Variants in RYR3 observed in about 807,000 individuals in gnomAD.
RYR3 encodes ryanodine receptor 3, also known as brain ryanodine receptor-calcium release channel.
A neutral mutation model predicts 584.3 loss-of-function variants in RYR3; 207 were observed. The observed-to-expected ratio is 0.35, with a 90% confidence interval of 0.32 to 0.40. The LOEUF is 0.40. RYR3 is among the 10% of genes least tolerant of loss of function. The probability of loss-of-function intolerance (pLI) is 1.00; values close to 1 mark genes in which losing one functional copy is unlikely to be tolerated. For missense variants in RYR3, 5,616 were observed against 6,089.2 expected (o/e 0.92, Z 2.59); for synonymous variants, 2,416 against 2,248.5 (o/e 1.07, Z -2.11).
At chr15:33,542,597 C>G in intron 7 of RYR3, among the ~76,000 whole-genome samples, 1 of 152,074 alleles carries the variant, frequency 6.6e-6, no homozygotes, top group East Asian at 1.9e-4. Context: ...GAACTCATAA[C>G]AGACTGTCAC....
chr15:33,798,612 C>T (rs2075755883), intron 67 of RYR3, among the ~76,000 whole-genome samples: 1 of 152,156 alleles, frequency 6.6e-6, no homozygotes, highest in African/African-American at 2.4e-5. Context: ...TCTTATTGAT[C>T]AGAACTTAGT....
intron 1 of RYR3, among the ~76,000 whole-genome samples, chr15:33,343,524 C>T (rs143004203): frequency 6.6e-6 from 1 of 152,158 alleles, no homozygotes; most frequent in African/African-American, 2.4e-5. Flanking sequence ...CAGATGCTCT[C>T]ACTTTACTGT....
At position 33,318,321 on chromosome 15, in the gene RYR3, A is replaced by G. The variant is rs114150429; in HGVS notation, c.51+7225A>G. On this transcript the variant is annotated intron_variant, in intron 1 of 103. Coordinates refer to ENST00000634891, the MANE Select transcript of RYR3 (RefSeq NM_001036.6). ...CTGGGTTGGTGTCAGTGTCACTGTG[A>G]CCCTTGCAGATACCCAGAAGGATGT... Among the ~76,000 whole-genome samples, 1,083 of 152,316 alleles carry G rather than the reference A, an allele frequency of 7.1e-3. 12 individuals carry two copies. The highest frequency in any genetic ancestry group is 0.025 in the African/African-American group (1,051 of 41,576).
chr15:33,750,937 G>A (rs2071234251), intron 57 of RYR3, among the ~76,000 whole-genome samples: 1 of 152,022 alleles, frequency 6.6e-6, no homozygotes, highest in Admixed American at 6.5e-5. Flanking sequence ...TGTTCTCATT[G>A]TTCAACTCCC....
chr15:33,345,103 C>CT (rs1035819143), intron 1 of RYR3, among the ~76,000 whole-genome samples: 12 of 151,508 alleles, frequency 7.9e-5, no homozygotes, highest in African/African-American at 2.7e-4. Flanking sequence ...TTTTCTTTTT[C>CT]TTTTTTTTGC....
intron 1 of RYR3, chr15:33,467,397 A>G: frequency 1.5e-6 from 1 of 688,942 alleles, no homozygotes; most frequent in Non-Finnish European, 1.8e-6. Flanking sequence ...GGTGACCCGT[A>G]GAGAAGCGGG....
intron 5 of RYR3, among the ~76,000 whole-genome samples, chr15:33,534,035 A>G (rs1398188738): frequency 6.6e-6 from 1 of 152,244 alleles, no homozygotes; most frequent in Non-Finnish European, 1.5e-5. Flanking sequence ...GTTGACAAAT[A>G]TTATAACATG....
In RYR3 at chr15:33,583,652, G is replaced by T. The variant is rs188250174; in HGVS notation, c.1574-743G>T. ...GTATAGAAAGAGGTTGGGTGTGGTG[G>T]TTCACACCTGTAATCCCACCAGTTT... is the stretch of plus-strand genomic sequence containing the variant. On this transcript the variant is annotated intron_variant, in intron 14 of 103. Coordinates refer to ENST00000634891, the MANE Select transcript of RYR3 (RefSeq NM_001036.6). Among the ~76,000 whole-genome samples, 295 of 152,290 alleles carry T rather than the reference G, an allele frequency of 1.9e-3. 2 individuals are homozygous for T. The highest frequency in any genetic ancestry group is 6.7e-3 in the African/African-American group (277 of 41,540).
intron 73 of RYR3, 95 bp downstream of exon 73, chr15:33,813,089 C>T (rs1441351644): frequency 1.3e-6 from 2 of 1,483,546 alleles, no homozygotes; most frequent in African/African-American, 1.4e-5. Context: ...CAAGTGCCCT[C>T]ATAAGACTGA....
intron 48 of RYR3, among the ~76,000 whole-genome samples, chr15:33,732,542 C>T (rs1053190833): frequency 4.6e-5 from 7 of 152,078 alleles, no homozygotes; most frequent in African/African-American, 1.7e-4. Flanking sequence ...AAAGTCACCC[C>T]AAGAGCCTTG....
chr15:33,406,768 T>A (rs1347640898), intron 1 of RYR3, among the ~76,000 whole-genome samples: 2 of 152,226 alleles, frequency 1.3e-5, no homozygotes, highest in Non-Finnish European at 2.9e-5. Context: ...CATTGTTTTT[T>A]TTAACAAAAG....
intron 26 of RYR3, 128 bp from the exon 27 acceptor site, chr15:33,636,248 T>C (rs1364553987): frequency 1.2e-5 from 10 of 815,546 alleles, no homozygotes; most frequent in Non-Finnish European, 2.0e-5. Flanking sequence ...TTGTTGGTTA[T>C]CCTTGAGTGT....
intron 1 of RYR3, among the ~76,000 whole-genome samples, chr15:33,381,657 A>C (rs1041997970): frequency 6.6e-6 from 1 of 151,790 alleles, no homozygotes. Flanking sequence ...CCCCAATCTC[A>C]GCTTCCTCTC....
In RYR3 at chr15:33,673,625, C is replaced by T. The variant is rs915274809; in HGVS notation, c.5860+3069C>T. 3.3e-5 allele frequency among the ~76,000 whole-genome samples: 5 copies of T among 152,292 alleles called. No individual in the cohort carries two copies. In the South Asian group the frequency reaches 1.0e-3, roughly 32 times the overall value. On this transcript the variant is annotated intron_variant, in intron 38 of 103. Transcript: ENST00000634891. ...CAACGCTGCAGTTTAAGCAGCATTT[C>T]CTTCAATGTAAATATATAGGCATTG...
chr15:33,346,930 C>T (rs1320111739), intron 1 of RYR3, among the ~76,000 whole-genome samples: 3 of 152,088 alleles, frequency 2.0e-5, no homozygotes, highest in Admixed American at 2.0e-4. Context: ...TAGCAAGACC[C>T]TGTATCCACA....
chr15:33,478,777 C>T (rs961387151), intron 2 of RYR3, among the ~76,000 whole-genome samples: 3 of 152,312 alleles, frequency 2.0e-5, no homozygotes, highest in Admixed American at 6.5e-5. Flanking sequence ...TTCCACCTTT[C>T]TTAATAGTAG....
intron 67 of RYR3, among the ~76,000 whole-genome samples, chr15:33,793,157 C>T (rs974815119): frequency 1.3e-5 from 2 of 152,144 alleles, no homozygotes; most frequent in East Asian, 3.8e-4. Flanking sequence ...AAAGAATCAA[C>T]TCAGGAACAT....
intron 42 of RYR3, among the ~76,000 whole-genome samples, chr15:33,705,092 A>G (rs1251521887): frequency 8.5e-6 from 1 of 117,360 alleles, no homozygotes; most frequent in Non-Finnish European, 1.7e-5. Flanking sequence ...ACACATGCAC[A>G]CACACTCTTT....
chr15:33,584,408 C>T lies in RYR3; in HGVS notation c.1587C>T (p.Arg529=), dbSNP rs377533350. 75 of 1,601,846 alleles carry T rather than the reference C, an allele frequency of 4.7e-5. No homozygotes were observed. The African/African-American group carries it at 4.8e-4, about 10-fold the overall frequency. The change falls in exon 15 of 104, where the codon CGC becomes CGT. Residue 529 remains arginine, a synonymous_variant. Coordinates refer to ENST00000634891, the MANE Select transcript of RYR3 (RefSeq NM_001036.6). The stretch of plus-strand genomic sequence containing the variant: ...CCTTGTTTGCAGCTGCTCTCATTCG[C>T]GGAAACAGAAACAATTGCGCTCAAT... The part of the protein sequence containing the change: ...LLYKLLAALI[R]GNRNNCAQFS...
Sources: gnomAD v4.1 joint callset for allele counts (sites outside exome capture counted in the v4.1 genomes callset) on GRCh38, gnomAD v4.1.1 for gene constraint, MANE v1.5 for transcripts, NCBI Gene and HGNC (gene_info 2026-07-23, HGNC 2026-07-21) for gene names.